The following INPP4B variants were observed in gnomAD, a reference collection of about 807,000 sequenced individuals.
The protein encoded by INPP4B is inositol polyphosphate-4-phosphatase type II B, also known as inositol polyphosphate 4-phosphatase type II.
A neutral mutation model predicts 122.5 loss-of-function variants in INPP4B; 55 were observed. That is an observed-to-expected ratio of 0.45 (90% CI 0.36 to 0.56). The LOEUF is 0.56. INPP4B is among the 20% of genes least tolerant of loss of function. The pLI is 0.00. For missense variants in INPP4B, 1,000 were observed against 1,097.7 expected (o/e 0.91, Z 1.26); for synonymous variants, 403 against 388.7 (o/e 1.04, Z -0.43).
chr4:142,623,096 T>C (rs768021184), intron 2 of INPP4B, among the ~76,000 whole-genome samples: 1 of 151,938 alleles, frequency 6.6e-6, no homozygotes, highest in Non-Finnish European at 1.5e-5. Context: ...AAATGGAAAC[T>C]CCAGAGTCAA....
At position 142,260,491 on chromosome 4, in the gene INPP4B, C is replaced by A; in HGVS notation, c.688+1G>T. The A allele has an allele frequency of 6.3e-7, 1 of 1,583,228 alleles. No individual in the cohort carries two copies. Among genetic ancestry groups the A allele is most frequent in the Non-Finnish European group, 8.7e-7 (1 of 1,153,752 alleles). On this transcript the variant is annotated splice_donor_variant, in intron 11 of 25. Coordinates refer to ENST00000262992, the MANE Select transcript of INPP4B (RefSeq NM_001101669.3). LOFTEE classifies it high-confidence loss of function. ...TAAGTATTTAAAACTGAGTTACATA[C>A]CTGAATTCAAAAAAGGTAAGTTATC...
chr4:142,615,757 C>T (rs1743558551), intron 2 of INPP4B, among the ~76,000 whole-genome samples: 1 of 152,020 alleles, frequency 6.6e-6, no homozygotes, highest in African/African-American at 2.4e-5. Context: ...TCCCCTTGGC[C>T]AAGAAAGTGT....
chr4:142,248,736 T>C (rs1047818575), intron 11 of INPP4B, among the ~76,000 whole-genome samples: 1 of 151,968 alleles, frequency 6.6e-6, no homozygotes, highest in African/African-American at 2.4e-5. Context: ...TCAACTCTCT[T>C]GCTTGGTTCT....
intron 12 of INPP4B, among the ~76,000 whole-genome samples, chr4:142,212,777 G>A (rs151148975): frequency 1.2e-3 from 186 of 152,068 alleles, no homozygotes; most frequent in African/African-American, 4.3e-3. Context: ...GAAAGGTAGT[G>A]CAAATACCAC....
intron 2 of INPP4B, among the ~76,000 whole-genome samples, chr4:142,609,197 T>G (rs1337326948): frequency 1.3e-5 from 2 of 151,028 alleles, no homozygotes; most frequent in African/African-American, 2.4e-5. Context: ...TTATTAAATA[T>G]AAATATTTAT....
chr4:142,259,562 A>G (rs1738595818), intron 11 of INPP4B, among the ~76,000 whole-genome samples: 1 of 146,340 alleles, frequency 6.8e-6, no homozygotes, highest in African/African-American at 2.5e-5. Flanking sequence ...ATATTGTTAT[A>G]AAACTAAAAT....
At chr4:142,425,464 T>C (rs1487618412) in intron 5 of INPP4B, among the ~76,000 whole-genome samples, 1 of 151,936 alleles carries the variant, frequency 6.6e-6, no homozygotes, top group African/African-American at 2.4e-5. Flanking sequence ...TATAACTTGG[T>C]TTCATTCCTG....
intron 2 of INPP4B, among the ~76,000 whole-genome samples, chr4:142,663,551 T>C (rs1755554923): frequency 6.6e-6 from 1 of 152,058 alleles, no homozygotes; most frequent in East Asian, 1.9e-4. Context: ...CATCTCTGTT[T>C]AGAGAATAAG....
chr4:142,694,700 C>A (rs886812330), intron 2 of INPP4B, among the ~76,000 whole-genome samples: 1 of 152,142 alleles, frequency 6.6e-6, no homozygotes, highest in African/African-American at 2.4e-5. Flanking sequence ...TCTGCAGCTT[C>A]GTCCTTTGTG....
At chr4:142,489,338 T>C (rs1206554471) in intron 2 of INPP4B, among the ~76,000 whole-genome samples, 2 of 152,138 alleles carry the variant, frequency 1.3e-5, no homozygotes, top group Non-Finnish European at 2.9e-5. Context: ...TCTGGAGATG[T>C]TGGGAATAGT....
intron 12 of INPP4B, among the ~76,000 whole-genome samples, chr4:142,234,795 C>T (rs910440885): frequency 3.9e-5 from 6 of 152,166 alleles, no homozygotes; most frequent in Admixed American, 6.6e-5. Flanking sequence ...AATGGAACTT[C>T]ATATTGGGAG....
At chr4:142,043,950 TA>T (rs533089664) in intron 25 of INPP4B, among the ~76,000 whole-genome samples, 169 of 152,204 alleles carry the variant, frequency 1.1e-3, no homozygotes, top group Non-Finnish European at 1.6e-3. Context: ...ATTAGTAGGC[TA>T]CTACAATAGT....
At chr4:142,410,155 G>C (rs1804294414) in intron 5 of INPP4B, among the ~76,000 whole-genome samples, 1 of 152,166 alleles carries the variant, frequency 6.6e-6, no homozygotes, top group South Asian at 2.1e-4. Flanking sequence ...TCAATTTGAA[G>C]TAGAACACAA....
In INPP4B at chr4:142,566,928, G is replaced by C. The variant is rs532423988; in HGVS notation, c.-190-104202C>G. Reference sequence around the variant, plus strand: ...TGTGAGTTCCATTGGGCTTTATATAGAAGTAAGGACTACGTTCAGAGCCTT... The same window carrying C: ...TGTGAGTTCCATTGGGCTTTATATACAAGTAAGGACTACGTTCAGAGCCTT... On this transcript the variant is annotated intron_variant, in intron 2 of 25. Coordinates refer to ENST00000262992, the MANE Select transcript of INPP4B (RefSeq NM_001101669.3). Among the ~76,000 whole-genome samples, 138 of 152,220 alleles carry C rather than the reference G, an allele frequency of 9.1e-4. 1 individual carries two copies. The highest frequency in any genetic ancestry group is 3.2e-3 in the African/African-American group (132 of 41,528).
rs1745266824 is a variant in INPP4B at position 142,270,588 on chromosome 4, T to C, written c.615+75A>G. 14 of 981,814 alleles carry C rather than the reference T, an allele frequency of 1.4e-5. No homozygotes were observed. The South Asian group carries it at 1.6e-4, about 11-fold the overall frequency. 60.8% of individuals were successfully genotyped at this position (981,814 alleles called of 1,614,324 possible). The stretch of plus-strand genomic sequence containing the variant: ...AATGAGATTTCAAACCCCACAGAGA[T>C]GTTGGTGAGACAGACATCTGGCAAA... On this transcript the variant is annotated intron_variant, in intron 10 of 25. Transcript: ENST00000262992.
intron 11 of INPP4B, among the ~76,000 whole-genome samples, chr4:142,254,887 C>A (rs908598236): frequency 2.0e-5 from 3 of 151,814 alleles, no homozygotes. Context: ...AGAGCAACTC[C>A]AAGACACATA....
At chr4:142,676,907 C>T (rs985330151) in intron 2 of INPP4B, among the ~76,000 whole-genome samples, 4 of 151,902 alleles carry the variant, frequency 2.6e-5, no homozygotes, top group Non-Finnish European at 5.9e-5. Flanking sequence ...AAACTTAGGC[C>T]ATACCATTTA....
intron 2 of INPP4B, among the ~76,000 whole-genome samples, chr4:142,693,314 T>C (rs1424299959): frequency 1.3e-5 from 2 of 151,944 alleles, no homozygotes; most frequent in Non-Finnish European, 2.9e-5. Context: ...CTTTGAGTGT[T>C]TGGATAAGAA....
chr4:142,057,483 T>C (rs557527984), intron 25 of INPP4B, among the ~76,000 whole-genome samples: 12 of 152,222 alleles, frequency 7.9e-5, no homozygotes, highest in African/African-American at 2.9e-4. Context: ...TTTTAAAAGA[T>C]AGTTTGACAT....
Sources: gnomAD v4.1 joint callset for allele counts (sites outside exome capture counted in the v4.1 genomes callset) on GRCh38, gnomAD v4.1.1 for gene constraint, MANE v1.5 for transcripts, NCBI Gene and HGNC (gene_info 2026-07-23, HGNC 2026-07-21) for gene names.